Variants in SLC7A11 observed in about 807,000 individuals in gnomAD.
The protein encoded by SLC7A11 is cystine/glutamate transporter.
In SLC7A11, 35 loss-of-function variants were observed where a neutral mutation model predicts 54.5. The observed-to-expected ratio is 0.64, with a 90% CI of 0.49 to 0.85. SLC7A11 has a LOEUF of 0.85. Among genes scored for constraint, SLC7A11 ranks in the 40% least tolerant of loss-of-function variants. The probability of loss-of-function intolerance (pLI) is 0.00; values close to 1 mark genes in which losing one functional copy is unlikely to be tolerated. For synonymous variants in SLC7A11, 230 were observed against 225.2 expected (o/e 1.02, Z -0.19); for missense variants, 583 against 618.1 (o/e 0.94, Z 0.60).
chr4:138,179,335 G>C lies in SLC7A11; in HGVS notation c.1326C>G (p.Ser442=). The change falls in exon 11 of 12, where the codon TCC becomes TCG. Residue 442 remains serine (S), a synonymous_variant. Transcript: ENST00000280612. ...CTGTACTAAATGGGTCCGAATAGAG[G>C]GAAAGGGCAACCATGAAGAGGCATG... is the stretch of plus-strand genomic sequence containing the variant. ...SFTCLFMVAL[S]LYSDPFSTGI... is the part of the protein sequence containing the mutation. 6.2e-7 allele frequency: 1 copy of C among 1,612,642 alleles called. No individual in the cohort carries two copies. The highest frequency in any genetic ancestry group is 2.2e-5 in the East Asian group (1 of 44,792).
Position 138,185,260 on chromosome 4 carries a change from G to A in SLC7A11, c.792-16C>T, listed in dbSNP as rs1736847876. ...GGGAATGGTTCTGAAATGCACAAAG[G>A]AATCACTTATTCATTATCTTTTGTT... On this transcript the variant is annotated splice_polypyrimidine_tract_variant and intron_variant, in intron 6 of 11. Coordinates refer to ENST00000280612, the MANE Select transcript of SLC7A11 (RefSeq NM_014331.4). The A allele has an allele frequency of 3.1e-6, 5 of 1,611,118 alleles. No homozygotes were observed. The East Asian group carries it at 8.9e-5, about 29-fold the overall frequency.
chr4:138,198,391 T>TG (rs1737191777), intron 6 of SLC7A11, among the ~76,000 whole-genome samples: 1 of 152,154 alleles, frequency 6.6e-6, no homozygotes, highest in Non-Finnish European at 1.5e-5. Flanking sequence ...CAAAGAATTC[T>TG]GATGAATCAC....
intron 3 of SLC7A11, among the ~76,000 whole-genome samples, chr4:138,228,758 C>CAAAAAAAAAAAAAAAAAAAAAAAAA (rs5862371): frequency 1.5e-5 from 1 of 67,776 alleles, no homozygotes; most frequent in Non-Finnish European, 2.6e-5. Flanking sequence ...GACTCCGTCT[C>CAAAAAAAAAAAAAAAAAAAAAAAAA]AAAAAAAAAA....
intron 6 of SLC7A11, among the ~76,000 whole-genome samples, chr4:138,212,085 T>C (rs1238229862): frequency 2.6e-5 from 4 of 151,930 alleles, no homozygotes; most frequent in Non-Finnish European, 5.9e-5. Flanking sequence ...CCAATTATCC[T>C]GATTTGATCA....
intron 11 of SLC7A11, among the ~76,000 whole-genome samples, chr4:138,172,971 G>C (rs1736473371): frequency 6.6e-6 from 1 of 151,996 alleles, no homozygotes. Context: ...AGCCTCCCAA[G>C]TAGCTGGGAT....
chr4:138,180,119 T>A (rs1450096451), intron 10 of SLC7A11, among the ~76,000 whole-genome samples: 2 of 152,152 alleles, frequency 1.3e-5, no homozygotes, highest in African/African-American at 4.8e-5. Flanking sequence ...AATTTGTAGA[T>A]CTTCTCTTTC....
intron 6 of SLC7A11, among the ~76,000 whole-genome samples, chr4:138,200,746 C>T (rs936795332): frequency 6.6e-6 from 1 of 152,068 alleles, no homozygotes; most frequent in Non-Finnish European, 1.5e-5. Context: ...ACTCTAACAT[C>T]ACAGGCTTTG....
intron 11 of SLC7A11, chr4:138,178,225 A>T (rs568432596): frequency 6.6e-6 from 1 of 152,266 alleles, no homozygotes; most frequent in South Asian, 2.1e-4. Context: ...GAGTGAGGAC[A>T]TGTGCTGTTT....
chr4:138,225,171 T>TATATATATATATATATATATATAA (rs1491164718), intron 3 of SLC7A11, among the ~76,000 whole-genome samples: 1 of 131,492 alleles, frequency 7.6e-6, no homozygotes, highest in East Asian at 2.3e-4. Flanking sequence ...TATATATATA[T>TATATATATATATATATATATATAA]AAATAAAATC....
intron 4 of SLC7A11, among the ~76,000 whole-genome samples, chr4:138,222,684 T>C (rs1737844543): frequency 6.6e-6 from 1 of 152,230 alleles, no homozygotes; most frequent in Non-Finnish European, 1.5e-5. Context: ...AACTATTTTA[T>C]TGTGATATAA....
intron 11 of SLC7A11, among the ~76,000 whole-genome samples, chr4:138,173,234 T>G (rs1233205392): frequency 2.6e-5 from 4 of 152,160 alleles, no homozygotes; most frequent in African/African-American, 9.7e-5. Flanking sequence ...CTCTTGATGG[T>G]TTCAGGCCCA....
At chr4:138,182,423 A>C in intron 8 of SLC7A11, 30 bp from the exon 9 acceptor site, 2 of 1,319,154 alleles carry the variant, frequency 1.5e-6, no homozygotes, top group Non-Finnish European at 2.2e-6. Context: ...GGTGGAGTTG[A>C]CTGTATGATT....
At chr4:138,214,898 T>C (rs2148439496) in intron 5 of SLC7A11, among the ~76,000 whole-genome samples, 1 of 152,256 alleles carries the variant, frequency 6.6e-6, no homozygotes, top group South Asian at 2.1e-4. Flanking sequence ...CACAGAATAG[T>C]GTGATACAGT....
intron 6 of SLC7A11, among the ~76,000 whole-genome samples, chr4:138,194,054 A>G (rs1737073439): frequency 6.6e-6 from 1 of 152,180 alleles, no homozygotes; most frequent in Admixed American, 6.5e-5. Flanking sequence ...GTAAATCCAC[A>G]TGCCAAGGCC....
At chr4:138,179,425 A>C (rs747783042) in intron 10 of SLC7A11, 31 bp from the exon 11 acceptor site, 14 of 1,595,496 alleles carry the variant, frequency 8.8e-6, no homozygotes, top group Non-Finnish European at 1.0e-5. Flanking sequence ...AAGTCACTTC[A>C]AACATGTTCA....
intron 2 of SLC7A11, 25 bp from the exon 3 acceptor site, chr4:138,232,407 G>T (rs1000611021): frequency 5.2e-6 from 7 of 1,349,670 alleles, no homozygotes; most frequent in Non-Finnish European, 6.3e-6. Flanking sequence ...ATATATTTAG[G>T]TTAACCACAG....
intron 6 of SLC7A11, among the ~76,000 whole-genome samples, chr4:138,188,525 T>A (rs553940007): frequency 6.6e-6 from 1 of 152,328 alleles, no homozygotes; most frequent in East Asian, 1.9e-4. Flanking sequence ...AGGAGAGCAG[T>A]TGACTCCTTC....
At chr4:138,213,489 T>G (rs1253100128) in intron 6 of SLC7A11, among the ~76,000 whole-genome samples, 1 of 151,858 alleles carries the variant, frequency 6.6e-6, no homozygotes, top group Non-Finnish European at 1.5e-5. Context: ...TACTTGTTCT[T>G]TTTCCTAGAA....
At chr4:138,214,688 C>G in intron 5 of SLC7A11, 59 bp from the exon 6 acceptor site, 1 of 603,604 alleles carries the variant, frequency 1.7e-6, no homozygotes, top group Non-Finnish European at 2.6e-6. Flanking sequence ...TCCAAAGTCT[C>G]AAATTTTAAA....
Sources: allele counts gnomAD v4.1 joint callset (sites outside exome capture counted in the v4.1 genomes callset), GRCh38; gene constraint gnomAD v4.1.1; transcripts MANE v1.5; gene names NCBI Gene and HGNC (gene_info 2026-07-23, HGNC 2026-07-21).